The following FUS variants were observed in gnomAD, a reference collection of about 807,000 sequenced individuals.
FUS encodes RNA-binding protein FUS.
Under a neutral mutation model 82.7 loss-of-function variants are expected in FUS, and 5 were observed. The ratio of observed to expected loss-of-function variants is 0.06; its 90% CI spans 0.03 to 0.13. FUS has a LOEUF of 0.13. FUS is among the 10% of genes least tolerant of loss of function. The probability of loss-of-function intolerance (pLI) is 1.00; values close to 1 mark genes in which losing one functional copy is unlikely to be tolerated. For synonymous variants in FUS, 281 were observed against 247.4 expected (o/e 1.14, Z -1.27); for missense variants, 512 against 707.8 (o/e 0.72, Z 3.14).
intron 1 of FUS, among the ~76,000 whole-genome samples, chr16:31,181,141 C>T (rs1331033482): frequency 6.6e-6 from 1 of 152,166 alleles, no homozygotes; most frequent in Non-Finnish European, 1.5e-5. Context: ...TCTCGAACTG[C>T]TGACCTCAGG....
intron 6 of FUS, 133 bp from the exon 7 acceptor site, chr16:31,186,669 G>C: frequency 7.7e-6 from 6 of 783,760 alleles, no homozygotes. Context: ...AGGAAGGGAT[G>C]TATTTTAGTA....
intron 5 of FUS, among the ~76,000 whole-genome samples, 196 bp downstream of exon 5, chr16:31,184,592 C>T (rs559772559): frequency 1.8e-4 from 28 of 152,140 alleles, no homozygotes; most frequent in African/African-American, 4.1e-4. Flanking sequence ...TACAGGCATC[C>T]GCCACCACGC....
downstream of FUS, chr16:31,194,393 A>T: frequency 1.9e-6 from 1 of 514,722 alleles, no homozygotes; most frequent in Non-Finnish European, 3.8e-6. Flanking sequence ...CCCGCAAGCT[A>T]TCTGCCCACC....
intron 7 of FUS, 141 bp from the exon 8 acceptor site, chr16:31,188,184 G>T: frequency 1.2e-6 from 1 of 861,914 alleles, no homozygotes; most frequent in Non-Finnish European, 1.8e-6. Context: ...TTTGGAGTGA[G>T]GCTGTGAGCA....
At chr16:31,185,385 A>G in intron 6 of FUS, 1 of 643,266 alleles carries the variant, frequency 1.6e-6, no homozygotes, top group Non-Finnish European at 2.7e-6. Flanking sequence ...CATCCATACC[A>G]CTGAATAGAG....
In FUS at chr16:31,186,834, G is replaced by A. The variant is rs2079277807; in HGVS notation, c.797G>A (p.Gly266Asp). ...GSDRGGFNKF[G>D]GPRDQGSRHD... ...GACCGTGGTGGCTTCAATAAATTTG[G>A]TGGTAAGTGAACAGAGTTTCCAAAA... The change falls in exon 7 of 15, where the codon GGT becomes GAT. Residue 266 changes from glycine to aspartate, a missense_variant and splice_region_variant. Physicochemically the swap from Gly to Asp is moderately conservative, Grantham distance 94. Around this residue, in one of 6 missense-constraint regions of FUS, gnomAD observed 51 missense variants for 72.2 expected, o/e 0.71. Coordinates refer to ENST00000254108, the MANE Select transcript of FUS (RefSeq NM_004960.4). 6.2e-7 allele frequency: 1 copy of A among 1,613,860 alleles called. No homozygotes were observed. The highest frequency in any genetic ancestry group is 8.5e-7 in the Non-Finnish European group (1 of 1,179,830).
intron 5 of FUS, among the ~76,000 whole-genome samples, 171 bp downstream of exon 5, chr16:31,184,567 C>A (rs957137141): frequency 3.9e-5 from 6 of 152,008 alleles, no homozygotes; most frequent in Non-Finnish European, 8.8e-5. Context: ...CCTCAGCCTC[C>A]CGAGTAGCTG....
intron 3 of FUS, chr16:31,183,060 TTTC>T: frequency 1.3e-5 from 4 of 301,152 alleles, no homozygotes; most frequent in South Asian, 1.3e-4. Flanking sequence ...CTGTTCCATA[TTTC>T]TTTTCCGTGA....
downstream of FUS, chr16:31,193,035 T>G (rs1050724228): frequency 2.1e-6 from 1 of 484,740 alleles, no homozygotes; most frequent in Non-Finnish European, 4.1e-6. Flanking sequence ...GTTTTTCGGC[T>G]TACCGCAACT....
chr16:31,184,859 G>GTCAAACCTTT lies in FUS; in HGVS notation c.524-68_524-59dup, dbSNP rs1471114994. 4 of 1,462,530 alleles carry GTCAAACCTTT rather than the reference G, an allele frequency of 2.7e-6. No homozygotes were observed. The East Asian group carries it at 6.8e-5, about 25-fold the overall frequency. 90.6% of individuals were successfully genotyped at this position (1,462,530 alleles called of 1,614,324 possible). On this transcript the variant is annotated intron_variant, in intron 5 of 14. Transcript: ENST00000254108. ...TTTTGTCCTTCATTGCCTGGCACTT[G>GTCAAACCTTT]TCAAACCTTTTCAAACCTTTTAGTG...
intron 9 of FUS, 116 bp from the exon 10 acceptor site, chr16:31,189,549 C>T (rs2079321140): frequency 1.4e-6 from 2 of 1,406,600 alleles, no homozygotes; most frequent in Admixed American, 1.7e-5. Flanking sequence ...GAAGAAGTAA[C>T]TGGGAAGAGG....
chr16:31,193,659 G>T (rs1296288216), downstream of FUS: 1 of 531,566 alleles, frequency 1.9e-6, no homozygotes, highest in South Asian at 1.5e-5. Context: ...TTAGTGGGTA[G>T]GTCCAGTTTG....
chr16:31,193,446 G>C (rs2144152444), downstream of FUS: 1 of 527,922 alleles, frequency 1.9e-6, no homozygotes, highest in East Asian at 4.0e-5. Context: ...TATTTGAGTA[G>C]TTCACTGTTG....
In FUS at chr16:31,188,367, C is replaced by T; in HGVS notation, c.832+10C>T. The T allele has an allele frequency of 6.2e-7, 1 of 1,613,364 alleles. No homozygotes were observed. The highest frequency in any genetic ancestry group is 8.5e-7 in the Non-Finnish European group (1 of 1,179,718). On this transcript the variant is annotated intron_variant, in intron 8 of 14. Transcript: ENST00000254108. ...TCACGTCATGACTCCGGTGAGTTCA[C>T]ACGTGGTGGCATGAAAAGAGTGGCT...
At position 31,186,802 on chromosome 16, in the gene FUS, C is replaced by T. The variant is rs1266387576; in HGVS notation, c.765C>T (p.Gly255=). The T allele has an allele frequency of 6.2e-6, 10 of 1,613,928 alleles. No individual in the cohort carries two copies. The highest frequency in any genetic ancestry group is 8.5e-6 in the Non-Finnish European group (10 of 1,179,884). Residue 255 remains glycine (G), a splice_region_variant and synonymous_variant, in exon 7 of 15, where the codon GGC becomes GGT. Coordinates refer to ENST00000254108, the MANE Select transcript of FUS (RefSeq NM_004960.4). ...CTTTCTTCTAACTTGTCTTCTCCAG[C>T]GGAAGTGACCGTGGTGGCTTCAATA... ...GGGRGGRGGM[G]GSDRGGFNKF...
chr16:31,182,555 G>A lies in FUS; in HGVS notation c.81G>A (p.Gln27=). The A allele has an allele frequency of 6.2e-7, 1 of 1,614,134 alleles. No homozygotes were observed. Among genetic ancestry groups the A allele is most frequent in the Non-Finnish European group, 8.5e-7 (1 of 1,180,022 alleles). ...YPTQPGQGYS[Q]QSSQPYGQQS... ...CCCAGCCCGGGCAGGGCTATTCCCA[G>A]CAGAGCAGTCAGCCCTACGGACAGC... is the stretch of plus-strand genomic sequence containing the variant. Residue 27 remains glutamine, a synonymous_variant, in exon 3 of 15, where the codon CAG becomes CAA. Coordinates refer to ENST00000254108, the MANE Select transcript of FUS (RefSeq NM_004960.4).
chr16:31,190,473 G>A (rs982764861), intron 12 of FUS, 75 bp downstream of exon 12: 11 of 1,601,638 alleles, frequency 6.9e-6, no homozygotes, highest in Middle Eastern at 1.7e-4. Context: ...AGGTATGTGC[G>A]TGTTTTCCAA....
At chr16:31,193,157 G>T, downstream of FUS, 2 of 486,794 alleles carry the variant, frequency 4.1e-6, no homozygotes, top group Non-Finnish European at 8.1e-6. Flanking sequence ...GGTCAGGCTG[G>T]TCTCGAACTC....
chr16:31,189,560 G>A, intron 9 of FUS, 105 bp from the exon 10 acceptor site: 1 of 1,485,632 alleles, frequency 6.7e-7, no homozygotes, highest in Non-Finnish European at 9.3e-7. Context: ...TGGGAAGAGG[G>A]GAGCTGAAGT....
Sources: gnomAD v4.1 joint callset for allele counts (sites outside exome capture counted in the v4.1 genomes callset) on GRCh38, gnomAD v4.1.1 for gene constraint, gnomAD v4.1.1 regional missense constraint, MANE v1.5 for transcripts, NCBI Gene and HGNC (gene_info 2026-07-23, HGNC 2026-07-21) for gene names.